The following GLDC variants were observed in gnomAD, a reference collection of about 807,000 sequenced individuals.
The protein encoded by GLDC is glycine dehydrogenase (decarboxylating), mitochondrial.
GLDC carries 104 observed loss-of-function variants against 121.3 expected under a neutral mutation model. The observed-to-expected ratio is 0.86, with a 90% CI of 0.73 to 1.01. The LOEUF is 1.01. Among genes scored for constraint, GLDC ranks in the 50% least tolerant of loss-of-function variants. The pLI is 0.00. For missense variants in GLDC, 1,429 were observed against 1,306.6 expected (o/e 1.09, Z -1.44); for synonymous variants, 546 against 480.6 (o/e 1.14, Z -1.78).
At chr9:6,636,905 G>C (rs1819515082) in intron 2 of GLDC, among the ~76,000 whole-genome samples, 1 of 151,968 alleles carries the variant, frequency 6.6e-6, no homozygotes. Flanking sequence ...CCAATACGGT[G>C]AAAGCCCATC....
chr9:6,536,909 G>A (rs1587909990), intron 22 of GLDC, among the ~76,000 whole-genome samples: 1 of 152,080 alleles, frequency 6.6e-6, no homozygotes, highest in African/African-American at 2.4e-5. Context: ...GGCTCAGTGT[G>A]TTTCTGTTTC....
chr9:6,588,710 C>G lies in GLDC; in HGVS notation c.1581-8G>C. 1 of 1,600,026 alleles carries G rather than the reference C, an allele frequency of 6.2e-7. No homozygotes were observed. The highest frequency in any genetic ancestry group is 8.6e-7 in the Non-Finnish European group (1 of 1,167,216). ...TTTGTTTCAGAGTGGTAGCTGTGAA[C>G]ACAAAACACAGAATTAGGGGCCCCA... On this transcript the variant is annotated splice_region_variant and splice_polypyrimidine_tract_variant and intron_variant, in intron 12 of 24. Coordinates refer to ENST00000321612, the MANE Select transcript of GLDC (RefSeq NM_000170.3).
chr9:6,533,293 A>G lies in GLDC; in HGVS notation c.2920-133T>C, dbSNP rs1817040061. On this transcript the variant is annotated intron_variant, in intron 24 of 24. Coordinates refer to ENST00000321612, the MANE Select transcript of GLDC (RefSeq NM_000170.3). ...CAAATATTCTGAGAACCTAAAATCC[A>G]ACCCTACATTACCATTTAAAAAAAA... The G allele has an allele frequency of 3.3e-5, 27 of 819,952 alleles. 1 individual carries two copies. The South Asian group carries it at 3.5e-4, about 11-fold the overall frequency. The allele number at this position is 819,952 out of a possible 1,614,324, so 50.8% of individuals were successfully genotyped here.
chr9:6,584,400 A>AGTACTG (rs1818227236), intron 15 of GLDC, among the ~76,000 whole-genome samples: 1 of 152,212 alleles, frequency 6.6e-6, no homozygotes, highest in Admixed American at 6.5e-5. Flanking sequence ...CCTAGATTTC[A>AGTACTG]CTGGACTCTA....
At chr9:6,619,280 C>A (rs1819032055) in intron 3 of GLDC, among the ~76,000 whole-genome samples, 1 of 151,090 alleles carries the variant, frequency 6.6e-6, no homozygotes, top group Non-Finnish European at 1.5e-5. Flanking sequence ...AAGAGCCTGT[C>A]TACAGAATGC....
chr9:6,631,385 T>A (rs187466166), intron 2 of GLDC, among the ~76,000 whole-genome samples: 2 of 152,318 alleles, frequency 1.3e-5, no homozygotes, highest in East Asian at 3.9e-4. Flanking sequence ...TTCAAGACCC[T>A]ACCAGCTGTA....
At position 6,600,850 on chromosome 9, in the gene GLDC, G is replaced by T. The variant is rs145553819; in HGVS notation, c.1155+1259C>A. Among the ~76,000 whole-genome samples the T allele has an allele frequency of 2.8e-3, 429 of 152,308 alleles. 3 individuals carry two copies. Among genetic ancestry groups the T allele is most frequent in the Middle Eastern group, 0.017 (5 of 294 alleles). On this transcript the variant is annotated intron_variant, in intron 8 of 24. Coordinates refer to ENST00000321612, the MANE Select transcript of GLDC (RefSeq NM_000170.3). ...CAGAACCCTGGTCAGAACCCAGGAA[G>T]CTCTTCCTGTTTTATCCCATCCTTT...
At chr9:6,540,719 G>C (rs1035864157) in intron 21 of GLDC, 1 of 159,676 alleles carries the variant, frequency 6.3e-6, no homozygotes, top group African/African-American at 2.4e-5. Context: ...TTAGAAATAC[G>C]CGACGTCAAA....
chr9:6,587,208 A>C lies in GLDC; in HGVS notation c.1783T>G (p.Phe595Val). The C allele has an allele frequency of 6.2e-7, 1 of 1,614,070 alleles. No individual in the cohort carries two copies. Among genetic ancestry groups the C allele is most frequent in the Non-Finnish European group, 8.5e-7 (1 of 1,179,912 alleles). The change falls in exon 15 of 25, where the codon TTC becomes GTC. Residue 595 changes from phenylalanine (F) to valine (V), a missense_variant. Coordinates refer to ENST00000321612, the MANE Select transcript of GLDC (RefSeq NM_000170.3). ...LDQAQGYQQL[F>V]RELEKDLCEL... ...CACAAATCCTTCTCAAGCTCTCGGA[A>C]AAGCTGCTGATATCCTTGAGCTTGA... is the stretch of plus-strand genomic sequence containing the variant.
chr9:6,554,715 A>T lies in GLDC; in HGVS notation c.2269T>A (p.Cys757Ser), dbSNP rs776772464. The T allele has an allele frequency of 3.1e-6, 5 of 1,613,056 alleles. No individual in the cohort carries two copies. Among genetic ancestry groups the T allele is most frequent in the Non-Finnish European group, 4.2e-6 (5 of 1,179,946 alleles). ...VSHLNLHKTF[C>S]IPHGGGGPGM... ...GGACCACCTCCTCCGTGGGGAATGC[A>T]GAAGGTCTTGTGAAGATTTAGGTGC... Residue 757 changes from cysteine to serine, a missense_variant, in exon 19 of 25, where the codon TGC becomes AGC. Coordinates refer to ENST00000321612, the MANE Select transcript of GLDC (RefSeq NM_000170.3).
chr9:6,553,541 T>C (rs199594959), intron 19 of GLDC, 32 bp from the exon 20 acceptor site: 2 of 1,609,718 alleles, frequency 1.2e-6, no homozygotes, highest in Non-Finnish European at 1.7e-6. Context: ...ATTCAGAAAA[T>C]GTAAACGATT....
chr9:6,585,317 C>T (rs1346502957), intron 15 of GLDC, among the ~76,000 whole-genome samples: 1 of 152,038 alleles, frequency 6.6e-6, no homozygotes, highest in East Asian at 1.9e-4. Flanking sequence ...GATTATATTC[C>T]GTCACTAGAG....
At position 6,587,404 on chromosome 9, in the gene GLDC, A is replaced by G. The variant is rs1818292993; in HGVS notation, c.1708-121T>C. The G allele has an allele frequency of 5.4e-6, 4 of 738,576 alleles. No homozygotes were observed. The South Asian group carries it at 6.4e-5, about 12-fold the overall frequency. The allele number at this position is 738,576 out of a possible 1,614,324, so 45.8% of individuals were successfully genotyped here. A position where few individuals can be genotyped will look rare whatever the true frequency, so the allele number is the denominator to read the frequency against. The stretch of plus-strand genomic sequence containing the variant: ...TGCCAGGCACTGTTCTAAGCGCTAT[A>G]CATATGTTAATTTATTTAAGTTCCA... On this transcript the variant is annotated intron_variant, in intron 14 of 24. Coordinates refer to ENST00000321612, the MANE Select transcript of GLDC (RefSeq NM_000170.3).
chr9:6,532,902 T>A lies in GLDC; in HGVS notation c.*115A>T, dbSNP rs148273307. On this transcript the variant is annotated 3_prime_UTR_variant, in exon 25 of 25. Transcript: ENST00000321612. ...TACCTTGACAGAGATTACAGAGATA[T>A]ACACAGTATATAAAACTCCTACTTG... The A allele has an allele frequency of 3.5e-3, 2,800 of 797,360 alleles. 8 individuals carry two copies. The highest frequency in any genetic ancestry group is 4.9e-3 in the Non-Finnish European group (2,162 of 441,342). 49.4% of individuals were successfully genotyped at this position (797,360 alleles called of 1,614,324 possible).
intron 20 of GLDC, among the ~76,000 whole-genome samples, chr9:6,551,134 G>A (rs988879153): frequency 3.3e-5 from 5 of 152,148 alleles, no homozygotes; most frequent in African/African-American, 7.2e-5. Context: ...GTAGTTTTAC[G>A]TTCTTTATTG....
intron 2 of GLDC, among the ~76,000 whole-genome samples, chr9:6,629,943 A>ATGTG (rs897038219): frequency 2.5e-5 from 2 of 80,650 alleles, no homozygotes; most frequent in African/African-American, 1.6e-4. Context: ...ATATATATAT[A>ATGTG]TGTATATATA....
At chr9:6,605,546 C>G (rs1022182654) in intron 5 of GLDC, among the ~76,000 whole-genome samples, 3 of 152,266 alleles carry the variant, frequency 2.0e-5, no homozygotes, top group Admixed American at 1.3e-4. Flanking sequence ...CAGAGAGGCC[C>G]AAGAGCATTG....
At chr9:6,635,402 G>A (rs1183284700) in intron 2 of GLDC, among the ~76,000 whole-genome samples, 2 of 152,192 alleles carry the variant, frequency 1.3e-5, no homozygotes, top group African/African-American at 2.4e-5. Flanking sequence ...GGCACTTTAT[G>A]TATGGGCAAA....
At chr9:6,605,335 T>C in intron 5 of GLDC, 57 bp from the exon 6 acceptor site, 1 of 1,564,604 alleles carries the variant, frequency 6.4e-7, no homozygotes, top group Middle Eastern at 1.7e-4. Context: ...GGAAAATTAA[T>C]TAACGTTTCT....
Sources: gnomAD v4.1 joint callset for allele counts (sites outside exome capture counted in the v4.1 genomes callset) on GRCh38, gnomAD v4.1.1 for gene constraint, MANE v1.5 for transcripts, NCBI Gene and HGNC (gene_info 2026-07-23, HGNC 2026-07-21) for gene names.